MGRN1: variants seen among roughly 807,000 people sequenced by gnomAD.
MGRN1 encodes the protein E3 ubiquitin-protein ligase MGRN1.
In MGRN1, 29 loss-of-function variants were observed where a neutral mutation model predicts 69.2. The ratio of observed to expected loss-of-function variants is 0.42; its 90% confidence interval spans 0.31 to 0.57. MGRN1 has a LOEUF of 0.57. MGRN1 is among the 20% of genes least tolerant of loss of function. The pLI, the probability that MGRN1 is intolerant of heterozygous loss-of-function variation, is 0.15. For missense variants in MGRN1, 998 were observed against 796.2 expected, an observed-to-expected ratio of 1.25 and a Z score of -3.05; for synonymous variants, 470 against 344.2, an observed-to-expected ratio of 1.37 and a Z score of -4.04.
intron 2 of MGRN1, 52 bp downstream of exon 2, chr16:4,650,535 TC>T: frequency 7.3e-7 from 1 of 1,369,802 alleles, no homozygotes; most frequent in Non-Finnish European, 1.0e-6. Flanking sequence ...GAGGCCCCTG[TC>T]CCCAGCAGTC....
At chr16:4,660,342 T>C (rs2141908526) in intron 5 of MGRN1, among the ~76,000 whole-genome samples, 1 of 152,338 alleles carries the variant, frequency 6.6e-6, no homozygotes, top group Middle Eastern at 3.4e-3. Context: ...GGGCTTTACC[T>C]GGAGCCGCCC....
chr16:4,632,459 T>A (rs971405827), intron 1 of MGRN1, among the ~76,000 whole-genome samples: 5 of 151,864 alleles, frequency 3.3e-5, no homozygotes, highest in Non-Finnish European at 7.4e-5. Context: ...AGTGGCGCAA[T>A]CTCTGCTCAC....
chr16:4,642,258 G>A (rs13335436), intron 1 of MGRN1, among the ~76,000 whole-genome samples: 2 of 151,852 alleles, frequency 1.3e-5, no homozygotes, highest in Non-Finnish European at 2.9e-5. Flanking sequence ...AGCCTCCCGA[G>A]TAGTGGGGAT....
chr16:4,664,632 G>C, intron 5 of MGRN1, 77 bp from the exon 6 acceptor site: 2 of 1,464,770 alleles, frequency 1.4e-6, no homozygotes, highest in South Asian at 2.3e-5. Context: ...GCTTTGTCCA[G>C]CTCATTTGTT....
chr16:4,680,887 G>A (rs1052105309), intron 12 of MGRN1, among the ~76,000 whole-genome samples: 17 of 152,170 alleles, frequency 1.1e-4, no homozygotes, highest in African/African-American at 4.1e-4. Context: ...GGCAGGCCGG[G>A]GTCTCCCGAA....
intron 1 of MGRN1, among the ~76,000 whole-genome samples, chr16:4,642,209 C>T (rs1400183041): frequency 6.6e-6 from 1 of 151,186 alleles, no homozygotes; most frequent in Non-Finnish European, 1.5e-5. Flanking sequence ...CAGCTCGCTG[C>T]AACCTCTGCC....
In MGRN1 at chr16:4,673,458, C is replaced by T. The variant is rs767118590; in HGVS notation, c.796-40C>T. 3.1e-6 allele frequency: 5 copies of T among 1,601,686 alleles called. No individual in the cohort carries two copies. The South Asian group carries it at 4.4e-5, about 14-fold the overall frequency. On this transcript the variant is annotated intron_variant, in intron 9 of 16. Transcript: ENST00000262370. ...CAGGAAGCAGGAGCCGTACTCTGGC[C>T]TTTGGGAGGCTGCTGACCCACAAGC...
At chr16:4,636,410 G>C (rs368324510) in intron 1 of MGRN1, among the ~76,000 whole-genome samples, 2 of 152,184 alleles carry the variant, frequency 1.3e-5, no homozygotes, top group Non-Finnish European at 2.9e-5. Context: ...GGCGTCTGCT[G>C]TGGGACCTTC....
intron 1 of MGRN1, among the ~76,000 whole-genome samples, chr16:4,638,452 G>C (rs533269597): frequency 6.6e-6 from 1 of 151,408 alleles, no homozygotes; most frequent in African/African-American, 2.4e-5. Context: ...GTGACAGAGC[G>C]AGAGTCCGTC....
Position 4,688,959 on chromosome 16 carries a change from G to T in MGRN1, c.*51G>T. 3 of 1,502,066 alleles carry T rather than the reference G, an allele frequency of 2.0e-6. No individual in the cohort carries two copies. The highest frequency in any genetic ancestry group is 2.7e-6 in the Non-Finnish European group (3 of 1,117,568). The allele number at this position is 1,502,066 out of a possible 1,614,324, so 93.0% of individuals were successfully genotyped here. ...AGCCCTCGGCTCCCCAGACTTTGCC[G>T]AGGGGCTGCTCCGGACCCCGTTGTG... On this transcript the variant is annotated 3_prime_UTR_variant, in exon 17 of 17. Coordinates refer to ENST00000262370, the MANE Select transcript of MGRN1 (RefSeq NM_015246.4).
intron 1 of MGRN1, among the ~76,000 whole-genome samples, chr16:4,647,561 G>C (rs1224971517): frequency 6.6e-6 from 1 of 152,234 alleles, no homozygotes; most frequent in Admixed American, 6.5e-5. Flanking sequence ...TGTCCTTCCA[G>C]AACATTCTCT....
chr16:4,632,638 C>T (rs1898068509), intron 1 of MGRN1, among the ~76,000 whole-genome samples: 1 of 152,146 alleles, frequency 6.6e-6, no homozygotes, highest in African/African-American at 2.4e-5. Context: ...TCTTGATCCG[C>T]CCGTCTCGGC....
chr16:4,643,599 C>T (rs565250287), intron 1 of MGRN1, among the ~76,000 whole-genome samples: 3 of 151,558 alleles, frequency 2.0e-5, no homozygotes, highest in Non-Finnish European at 4.4e-5. Context: ...GTCTCCATCT[C>T]CTGACCTCGT....
At chr16:4,635,687 TGCAGTG>T (rs1898248156) in intron 1 of MGRN1, among the ~76,000 whole-genome samples, 1 of 151,474 alleles carries the variant, frequency 6.6e-6, no homozygotes, top group Non-Finnish European at 1.5e-5. Flanking sequence ...CAGGCTGGTG[TGCAGTG>T]GCGCAATATT....
chr16:4,657,573 C>T (rs971264376), intron 5 of MGRN1, among the ~76,000 whole-genome samples: 1 of 152,142 alleles, frequency 6.6e-6, no homozygotes, highest in African/African-American at 2.4e-5. Flanking sequence ...GGACCAGAGG[C>T]CGACCAGGCA....
chr16:4,684,874 C>T (rs186200888), intron 16 of MGRN1, among the ~76,000 whole-genome samples: 6 of 152,348 alleles, frequency 3.9e-5, no homozygotes, highest in Admixed American at 6.5e-5. Flanking sequence ...AGGCTTCACC[C>T]GCTTCCTGGC....
chr16:4,624,897 G>A lies in MGRN1; in HGVS notation c.-64G>A, dbSNP rs1238731907. The A allele has an allele frequency of 3.6e-6, 5 of 1,404,472 alleles. No individual in the cohort carries two copies. The South Asian group carries it at 4.0e-5, about 11-fold the overall frequency. 87.0% of individuals were successfully genotyped at this position (1,404,472 alleles called of 1,614,324 possible). On this transcript the variant is annotated 5_prime_UTR_variant, in exon 1 of 17. Coordinates refer to ENST00000262370, the MANE Select transcript of MGRN1 (RefSeq NM_015246.4). ...CTGGTCCGGGCCATGTCCGCGTGAGGACCCCGCCGCTGTCGCCGCTCCCGT... is the reference window on the plus strand; with the variant it reads ...CTGGTCCGGGCCATGTCCGCGTGAGAACCCCGCCGCTGTCGCCGCTCCCGT...
intron 5 of MGRN1, among the ~76,000 whole-genome samples, chr16:4,662,147 G>A (rs1684625): frequency 0.42 from 63,874 of 151,956 alleles, 14,061 homozygotes; most frequent in East Asian, 0.62. Context: ...CTTTCTTCTC[G>A]TCTGTATTTT....
intron 1 of MGRN1, among the ~76,000 whole-genome samples, chr16:4,643,392 G>A (rs971778326): frequency 3.2e-4 from 48 of 150,748 alleles, no homozygotes; most frequent in African/African-American, 1.0e-3. Context: ...TACTGTACCC[G>A]GCCTTGCTTG....
Sources: gnomAD v4.1 joint callset for allele counts (sites outside exome capture counted in the v4.1 genomes callset) on GRCh38, gnomAD v4.1.1 for gene constraint, MANE v1.5 for transcripts, NCBI Gene and HGNC (gene_info 2026-07-23, HGNC 2026-07-21) for gene names.